Variants in PTPRG observed in about 807,000 individuals in gnomAD.
The protein encoded by PTPRG is receptor-type tyrosine-protein phosphatase gamma.
In PTPRG, 102 loss-of-function variants were observed where a neutral mutation model predicts 165.3. The ratio of observed to expected loss-of-function variants is 0.62; its 90% CI spans 0.53 to 0.73. PTPRG has a LOEUF of 0.73. PTPRG is among the 30% of genes least tolerant of loss of function. The pLI, the probability that PTPRG is intolerant of heterozygous loss-of-function variation, is 0.00. For missense variants in PTPRG, 1,866 were observed against 1,861.4 expected (o/e 1.00, Z -0.05); for synonymous variants, 675 against 669.5 (o/e 1.01, Z -0.13).
At chr3:62,119,244 T>C (rs1052704759) in intron 5 of PTPRG, among the ~76,000 whole-genome samples, 127 of 152,334 alleles carry the variant, frequency 8.3e-4, no homozygotes, top group African/African-American at 2.9e-3. Context: ...ACGCAACCAG[T>C]TGGGCTGTAC....
chr3:62,006,123 T>C (rs1389101275), intron 4 of PTPRG, among the ~76,000 whole-genome samples: 1 of 152,162 alleles, frequency 6.6e-6, no homozygotes, highest in Non-Finnish European at 1.5e-5. Context: ...CCCAGGCTTA[T>C]TGTTTGACCA....
intron 1 of PTPRG, among the ~76,000 whole-genome samples, chr3:61,699,544 G>C (rs1437253829): frequency 6.6e-6 from 1 of 152,162 alleles, no homozygotes; most frequent in Non-Finnish European, 1.5e-5. Context: ...CTATTATTGA[G>C]AGTTTCTTTG....
At chr3:61,981,533 A>G (rs2040644340) in intron 2 of PTPRG, among the ~76,000 whole-genome samples, 1 of 152,214 alleles carries the variant, frequency 6.6e-6, no homozygotes, top group Admixed American at 6.5e-5. Flanking sequence ...AAGTATGGAT[A>G]ATCATGTTTA....
rs1045306947 is a variant in PTPRG, at chr3:62,237,463, T to C, written c.2375+6152T>C. On this transcript the variant is annotated intron_variant, in intron 14 of 29. Coordinates refer to ENST00000474889, the MANE Select transcript of PTPRG (RefSeq NM_002841.4). This position sits in a 1 kb window ranked among gnomAD's most constrained non-coding sequence, Gnocchi z 4.5. ...ACTGGAACCTGTCATGTGCTGGCAG[T>C]GTATATTTTTCAGCAGGGAGCTCAG... Among the ~76,000 whole-genome samples, 2 of 152,114 alleles carry C rather than the reference T, an allele frequency of 1.3e-5. No homozygotes were observed. The highest frequency in any genetic ancestry group is 4.8e-5 in the African/African-American group (2 of 41,410).
At chr3:61,633,437 T>C (rs1231317913) in intron 1 of PTPRG, among the ~76,000 whole-genome samples, 16 of 152,232 alleles carry the variant, frequency 1.1e-4, no homozygotes, top group Non-Finnish European at 1.5e-5. Flanking sequence ...AAATTTGGAA[T>C]GTATTTGGGA....
At chr3:61,933,971 T>C (rs1244300080) in intron 2 of PTPRG, among the ~76,000 whole-genome samples, 1 of 152,250 alleles carries the variant, frequency 6.6e-6, no homozygotes, top group Non-Finnish European at 1.5e-5. Context: ...GAGCCACATG[T>C]GGGTCAGGCA....
chr3:61,614,567 G>A (rs1317375567), intron 1 of PTPRG, among the ~76,000 whole-genome samples: 3 of 151,722 alleles, frequency 2.0e-5, no homozygotes, highest in African/African-American at 4.8e-5. Flanking sequence ...GCACCACCAC[G>A]CCCAGCTAAT....
intron 5 of PTPRG, among the ~76,000 whole-genome samples, chr3:62,130,752 A>G (rs1703483827): frequency 6.6e-6 from 1 of 152,180 alleles, no homozygotes; most frequent in African/African-American, 2.4e-5. Context: ...ATTACTTGCT[A>G]AGGTACAAAT....
chr3:61,649,589 T>G (rs1429357971), intron 1 of PTPRG, among the ~76,000 whole-genome samples: 1 of 152,212 alleles, frequency 6.6e-6, no homozygotes, highest in Non-Finnish European at 1.5e-5. Flanking sequence ...AATTGCCTCG[T>G]AAAGATCCCG....
intron 1 of PTPRG, among the ~76,000 whole-genome samples, chr3:61,685,739 C>T (rs916157645): frequency 2.6e-5 from 4 of 152,174 alleles, no homozygotes; most frequent in African/African-American, 9.6e-5. Flanking sequence ...TTCTGTCTTA[C>T]TTCTGTCACA....
chr3:61,568,947 A>T (rs974044850), intron 1 of PTPRG, among the ~76,000 whole-genome samples: 2 of 150,958 alleles, frequency 1.3e-5, no homozygotes, highest in African/African-American at 4.9e-5. Flanking sequence ...GCTTCCAGGG[A>T]TAGGAAGAGG....
At chr3:62,024,414 A>G (rs2041763433) in intron 4 of PTPRG, among the ~76,000 whole-genome samples, 1 of 152,168 alleles carries the variant, frequency 6.6e-6, no homozygotes, top group South Asian at 2.1e-4. Flanking sequence ...TTAAAGAAAA[A>G]GGAATAGAGC....
intron 1 of PTPRG, among the ~76,000 whole-genome samples, chr3:61,573,057 G>A (rs79752105): frequency 0.012 from 1,867 of 152,344 alleles, 10 homozygotes; most frequent in Non-Finnish European, 0.019. Flanking sequence ...ACCTCTCCTG[G>A]CTGTGTCGTT....
intron 8 of PTPRG, among the ~76,000 whole-genome samples, chr3:62,181,227 G>A (rs759015360): frequency 7.2e-5 from 11 of 152,120 alleles, no homozygotes; most frequent in African/African-American, 1.7e-4. Flanking sequence ...GTCCCACATC[G>A]GAAGAAGGTG....
At position 62,255,014 on chromosome 3, in the gene PTPRG, T is replaced by G; in HGVS notation, c.2468-110T>G. ...TCTATTTTGTGTGATACAATTATTT[T>G]GCTCTTTGCAAAAATCAAGTATTTG... On this transcript the variant is annotated intron_variant, in intron 15 of 29. Transcript: ENST00000474889. The surrounding 1 kb of genome is among the most constrained non-coding windows in gnomAD (Gnocchi z 4.0). The G allele has an allele frequency of 1.2e-6, 1 of 824,520 alleles. No individual in the cohort carries two copies. The highest frequency in any genetic ancestry group is 1.8e-5 in the South Asian group (1 of 55,352). 51.1% of individuals were successfully genotyped at this position (824,520 alleles called of 1,614,324 possible).
chr3:62,143,914 C>T (rs1391033211), intron 6 of PTPRG, among the ~76,000 whole-genome samples: 1 of 152,148 alleles, frequency 6.6e-6, no homozygotes, highest in African/African-American at 2.4e-5. Flanking sequence ...CGAGTATCAT[C>T]GCTAAATGCA....
At chr3:61,638,230 T>C (rs767750663) in intron 1 of PTPRG, among the ~76,000 whole-genome samples, 3 of 152,186 alleles carry the variant, frequency 2.0e-5, no homozygotes, top group African/African-American at 7.2e-5. Context: ...TTCTTTTTAG[T>C]ATTTAAGAGC....
At chr3:61,570,520 T>C (rs1428364759) in intron 1 of PTPRG, among the ~76,000 whole-genome samples, 1 of 152,196 alleles carries the variant, frequency 6.6e-6, no homozygotes, top group African/African-American at 2.4e-5. Context: ...CAGGGTGTTG[T>C]ATAATGCAGT....
At chr3:61,578,851 T>G (rs1327207785) in intron 1 of PTPRG, among the ~76,000 whole-genome samples, 1 of 152,228 alleles carries the variant, frequency 6.6e-6, no homozygotes, top group African/African-American at 2.4e-5. Flanking sequence ...ATGGAAATAC[T>G]TCCTTCCCAG....
Sources: allele counts gnomAD v4.1 joint callset (sites outside exome capture counted in the v4.1 genomes callset), GRCh38; gene constraint gnomAD v4.1.1; non-coding constraint Gnocchi (gnomAD v3.1); transcripts MANE v1.5; gene names NCBI Gene and HGNC (gene_info 2026-07-23, HGNC 2026-07-21).